Variants in CMSS1 observed in about 807,000 individuals in gnomAD.
CMSS1 encodes the protein cms1 ribosomal small subunit homolog, also known as protein CMSS1.
Under a neutral mutation model 43.5 loss-of-function variants are expected in CMSS1, and 33 were observed. That is an observed-to-expected ratio of 0.76 (90% CI 0.57 to 1.01). The LOEUF is 1.01. Among genes scored for constraint, CMSS1 ranks in the 50% least tolerant of loss-of-function variants. The probability of loss-of-function intolerance (pLI) is 0.00; values close to 1 mark genes in which losing one functional copy is unlikely to be tolerated. For missense variants in CMSS1, 313 were observed against 326.4 expected (o/e 0.96, Z 0.32); for synonymous variants, 115 against 117.2 (o/e 0.98, Z 0.12).
At chr3:99,961,514 G>A (rs1407326086) in intron 1 of CMSS1, among the ~76,000 whole-genome samples, 1 of 152,092 alleles carries the variant, frequency 6.6e-6, no homozygotes, top group African/African-American at 2.4e-5. Context: ...CATTTTGCCA[G>A]CCCATGTGTG....
At chr3:100,158,666 A>G (rs2066996882) in intron 2 of CMSS1, among the ~76,000 whole-genome samples, 1 of 152,236 alleles carries the variant, frequency 6.6e-6, no homozygotes, top group Non-Finnish European at 1.5e-5. Flanking sequence ...TGAACCTATC[A>G]TTTAACTGAA....
At chr3:99,832,335 A>C (rs1159279179) in intron 1 of CMSS1, among the ~76,000 whole-genome samples, 10 of 144,196 alleles carry the variant, frequency 6.9e-5, no homozygotes, top group African/African-American at 2.3e-4. Context: ...GGCTCCCGCC[A>C]TTCTCCTGCC....
intron 1 of CMSS1, among the ~76,000 whole-genome samples, chr3:99,962,340 G>A (rs1708518080): frequency 6.6e-6 from 1 of 152,196 alleles, no homozygotes; most frequent in African/African-American, 2.4e-5. Flanking sequence ...GTCCTCATCA[G>A]GAAGGATATT....
At chr3:99,890,693 T>C (rs1706055768) in intron 1 of CMSS1, among the ~76,000 whole-genome samples, 1 of 152,054 alleles carries the variant, frequency 6.6e-6, no homozygotes, top group Admixed American at 6.5e-5. Context: ...TTTTCTATAG[T>C]CTTTTACTTT....
intron 1 of CMSS1, among the ~76,000 whole-genome samples, chr3:100,098,243 G>A (rs908452960): frequency 6.6e-6 from 1 of 152,150 alleles, no homozygotes; most frequent in Non-Finnish European, 1.5e-5. Flanking sequence ...TACCTGTATT[G>A]GTGATGATAA....
intron 1 of CMSS1, among the ~76,000 whole-genome samples, chr3:99,882,073 A>C (rs6808420): frequency 1.3e-5 from 2 of 152,202 alleles, no homozygotes. Context: ...TATCTTTGGA[A>C]CTCAAATAGA....
chr3:99,929,560 G>C (rs1707407783), intron 1 of CMSS1, among the ~76,000 whole-genome samples: 1 of 151,888 alleles, frequency 6.6e-6, no homozygotes, highest in Admixed American at 6.6e-5. Flanking sequence ...GTATGTGTGT[G>C]CATGTGTGTG....
In CMSS1 at chr3:100,055,097, A is replaced by T. The variant is rs1310487507; in HGVS notation, c.65-91876A>T. ...TCTTTCTGGAAGTCTCCTGCCTCAG[A>T]CTCTTACCAAAGTCCTCGTGGTCTG... On this transcript the variant is annotated intron_variant, in intron 1 of 9. Transcript: ENST00000421999. 2.6e-5 allele frequency among the ~76,000 whole-genome samples: 4 copies of T among 151,792 alleles called. No homozygotes were observed. The East Asian group carries it at 7.7e-4, about 29-fold the overall frequency.
Position 100,022,855 on chromosome 3 carries a change from A to G in CMSS1, c.65-124118A>G, listed in dbSNP as rs146904354. ...TGAGGTCCTACACTAGAGTCAGAAT[A>G]TTCAAAGTTTTGGACTGAGGTTTCA... On this transcript the variant is annotated intron_variant, in intron 1 of 9. Coordinates refer to ENST00000421999, the MANE Select transcript of CMSS1 (RefSeq NM_032359.4). Among the ~76,000 whole-genome samples, 364 of 152,316 alleles carry G rather than the reference A, an allele frequency of 2.4e-3. 1 individual carries two copies. Among genetic ancestry groups the G allele is most frequent in the Non-Finnish European group, 3.9e-3 (264 of 68,028 alleles).
chr3:99,936,236 A>C (rs1707662613), intron 1 of CMSS1, among the ~76,000 whole-genome samples: 1 of 152,042 alleles, frequency 6.6e-6, no homozygotes, highest in African/African-American at 2.4e-5. Flanking sequence ...AACTACTCCA[A>C]TTTAGAGAAA....
intron 1 of CMSS1, among the ~76,000 whole-genome samples, chr3:99,890,101 T>G (rs1706036944): frequency 6.6e-6 from 1 of 152,128 alleles, no homozygotes; most frequent in African/African-American, 2.4e-5. Flanking sequence ...TTTATTTGAA[T>G]CTGTCTTTAT....
intron 1 of CMSS1, among the ~76,000 whole-genome samples, chr3:99,902,654 A>G (rs1463986650): frequency 6.6e-6 from 1 of 152,200 alleles, no homozygotes; most frequent in African/African-American, 2.4e-5. Context: ...AAAGATTAAC[A>G]AGTCAACAAA....
At chr3:100,170,918 T>G (rs536410094) in intron 6 of CMSS1, among the ~76,000 whole-genome samples, 3 of 152,186 alleles carry the variant, frequency 2.0e-5, no homozygotes, top group Non-Finnish European at 4.4e-5. Context: ...CCTAAAAAAT[T>G]TGTGAGTGAC....
At chr3:99,878,952 C>T (rs1263563152) in intron 1 of CMSS1, among the ~76,000 whole-genome samples, 1 of 152,110 alleles carries the variant, frequency 6.6e-6, no homozygotes, top group Non-Finnish European at 1.5e-5. Flanking sequence ...GTGAAATTCT[C>T]TTGGTTTCAT....
At chr3:100,015,497 A>G (rs1057370847) in intron 1 of CMSS1, among the ~76,000 whole-genome samples, 1 of 152,148 alleles carries the variant, frequency 6.6e-6, no homozygotes, top group African/African-American at 2.4e-5. Flanking sequence ...AACAGTATTC[A>G]TTTTTCTAAT....
chr3:100,156,148 AG>A (rs1205559526), intron 2 of CMSS1, among the ~76,000 whole-genome samples: 2 of 151,926 alleles, frequency 1.3e-5, no homozygotes, highest in Non-Finnish European at 2.9e-5. Flanking sequence ...TTTAGAGACA[AG>A]GGTCTCACTT....
intron 1 of CMSS1, chr3:100,011,663 A>G (rs921718004): frequency 2.6e-5 from 4 of 152,190 alleles, no homozygotes; most frequent in South Asian, 2.1e-4. Context: ...TGTTCTGCCA[A>G]AAAAGTTCAT....
intron 1 of CMSS1, among the ~76,000 whole-genome samples, chr3:99,871,831 G>T (rs1380481012): frequency 1.3e-5 from 2 of 152,150 alleles, no homozygotes; most frequent in Non-Finnish European, 2.9e-5. Flanking sequence ...TTGCCAGCCG[G>T]AGGACCTTTA....
chr3:99,870,934 T>C (rs1389573776), intron 1 of CMSS1, among the ~76,000 whole-genome samples: 1 of 152,138 alleles, frequency 6.6e-6, no homozygotes, highest in East Asian at 1.9e-4. Flanking sequence ...CACTGCACTG[T>C]GTTCTTCCAT....
Sources: gnomAD v4.1 joint callset for allele counts (sites outside exome capture counted in the v4.1 genomes callset) on GRCh38, gnomAD v4.1.1 for gene constraint, MANE v1.5 for transcripts, NCBI Gene and HGNC (gene_info 2026-07-23, HGNC 2026-07-21) for gene names.